Variants in GLCCI1 observed in about 807,000 individuals in gnomAD.
GLCCI1 encodes glucocorticoid-induced transcript 1 protein.
A neutral mutation model predicts 52.2 loss-of-function variants in GLCCI1; 24 were observed. The ratio of observed to expected loss-of-function variants is 0.46; its 90% CI spans 0.33 to 0.65. The LOEUF (loss-of-function observed/expected upper bound fraction) is 0.65, where lower values mean the gene tolerates loss of function less well. GLCCI1 is among the 30% of genes least tolerant of loss of function. The pLI, the probability that GLCCI1 is intolerant of heterozygous loss-of-function variation, is 0.02. For missense variants in GLCCI1, 704 were observed against 701.5 expected (o/e 1.00, Z -0.04); for synonymous variants, 310 against 276.5 (o/e 1.12, Z -1.20).
chr7:8,086,650 G>T lies in GLCCI1; in HGVS notation c.*112G>T, dbSNP rs566893539. The T allele has an allele frequency of 6.9e-5, 57 of 829,186 alleles. 1 individual carries two copies. The highest frequency in any genetic ancestry group is 1.0e-4 in the Non-Finnish European group (55 of 527,656). 51.4% of individuals were successfully genotyped at this position (829,186 alleles called of 1,614,324 possible). A position where few individuals can be genotyped will look rare whatever the true frequency, so the allele number is the denominator to read the frequency against. ...CCACCACCACCAATAATACTTATCA[G>T]CATCATAAAGTATCTCTTAAACACT... On this transcript the variant is annotated 3_prime_UTR_variant, in exon 8 of 8. Transcript: ENST00000223145. The surrounding 1 kb of genome is among the most constrained non-coding windows in gnomAD (Gnocchi z 4.4).
chr7:8,031,080 C>T (rs1261459533), intron 3 of GLCCI1, among the ~76,000 whole-genome samples: 2 of 152,134 alleles, frequency 1.3e-5, no homozygotes, highest in Non-Finnish European at 2.9e-5. Flanking sequence ...GAAGAGATAT[C>T]TGCACTCCTA....
At chr7:7,986,447 C>A (rs891384690) in intron 1 of GLCCI1, among the ~76,000 whole-genome samples, 2 of 152,006 alleles carry the variant, frequency 1.3e-5, no homozygotes, top group African/African-American at 4.8e-5. Flanking sequence ...ATGGCATGAA[C>A]CTGCTAGGCG....
intron 2 of GLCCI1, among the ~76,000 whole-genome samples, chr7:8,019,636 T>C (rs1205855559): frequency 6.6e-6 from 1 of 152,192 alleles, no homozygotes; most frequent in Non-Finnish European, 1.5e-5. Flanking sequence ...AGAGTGTACT[T>C]ACACAAACCT....
At chr7:7,979,836 G>A (rs1309549274) in intron 1 of GLCCI1, among the ~76,000 whole-genome samples, 3 of 152,202 alleles carry the variant, frequency 2.0e-5, no homozygotes, top group African/African-American at 7.2e-5. Context: ...AATGGGAAGT[G>A]ACAAACTTTT....
Position 7,968,920 on chromosome 7 carries a change from AG to A in GLCCI1, c.-427del. 1 of 154,600 alleles carries A rather than the reference AG, an allele frequency of 6.5e-6. No homozygotes were observed. The highest frequency in any genetic ancestry group is 1.5e-5 in the Non-Finnish European group (1 of 68,880). The allele number at this position is 154,600 out of a possible 1,614,324, so 9.6% of individuals were successfully genotyped here. On this transcript the variant is annotated 5_prime_UTR_variant, in exon 1 of 8. Coordinates refer to ENST00000223145, the MANE Select transcript of GLCCI1 (RefSeq NM_138426.4). The stretch of plus-strand genomic sequence containing the variant: ...TCTCTCTACCCTGGTCCCCAGAAGC[AG>A]GGGTCCCGGCCCTCCTTGCAGCTGC...
At chr7:8,030,489 T>A (rs1316575871) in intron 3 of GLCCI1, among the ~76,000 whole-genome samples, 1 of 152,128 alleles carries the variant, frequency 6.6e-6, no homozygotes, top group Non-Finnish European at 1.5e-5. Context: ...CAAACATTTC[T>A]TGACTAATAC....
chr7:7,988,862 A>C (rs999954471), intron 1 of GLCCI1, among the ~76,000 whole-genome samples: 2 of 151,884 alleles, frequency 1.3e-5, no homozygotes, highest in African/African-American at 4.8e-5. Flanking sequence ...CCCCCTTTGC[A>C]GTTCTGTATT....
chr7:8,075,519 C>T (rs896736236), intron 6 of GLCCI1, among the ~76,000 whole-genome samples: 1 of 152,164 alleles, frequency 6.6e-6, no homozygotes, highest in Non-Finnish European at 1.5e-5. Context: ...CAAAAATAGC[C>T]ATTTATATAA....
intron 2 of GLCCI1, among the ~76,000 whole-genome samples, chr7:8,007,539 T>C (rs38018): frequency 0.42 from 63,724 of 152,016 alleles, 13,644 homozygotes; most frequent in Middle Eastern, 0.52. Context: ...ATTAGTTTAA[T>C]TGAAGATACA....
intron 3 of GLCCI1, among the ~76,000 whole-genome samples, chr7:8,044,453 C>T (rs1236075402): frequency 6.6e-6 from 1 of 151,466 alleles, no homozygotes; most frequent in Admixed American, 6.6e-5. Context: ...ACTGCGGCCT[C>T]GACCTCCTGG....
At chr7:8,053,582 C>A (rs1217899940) in intron 3 of GLCCI1, among the ~76,000 whole-genome samples, 1 of 151,528 alleles carries the variant, frequency 6.6e-6, no homozygotes, top group East Asian at 1.9e-4. Context: ...GCCTCAGCCT[C>A]CCAGAGTGCT....
At chr7:8,052,608 G>A (rs1782283453) in intron 3 of GLCCI1, among the ~76,000 whole-genome samples, 1 of 152,192 alleles carries the variant, frequency 6.6e-6, no homozygotes, top group South Asian at 2.1e-4. Context: ...TTGTTCAGCA[G>A]TCTGCCTTGG....
rs1467724886 is a variant in GLCCI1, at chr7:8,086,426, G to A, written c.1532G>A (p.Ser511Asn). The change falls in exon 8 of 8, where the codon AGC (serine) becomes AAC (asparagine). Residue 511 changes from serine (S) to asparagine (N), a missense_variant. Physicochemically the swap from Ser to Asn is conservative, Grantham distance 46. Transcript: ENST00000223145. This position sits in a 1 kb window ranked among gnomAD's most constrained non-coding sequence, Gnocchi z 4.4. Reference protein sequence around the residue: ...VSFTSLSDDTSTAGSMEASVQ... With the variant: ...VSFTSLSDDTNTAGSMEASVQ... ...TTTACGTCTCTTTCTGATGACACCA[G>A]CACAGCGGGCTCCATGGAGGCCTCT... 6.2e-7 allele frequency: 1 copy of A among 1,614,136 alleles called. No individual in the cohort carries two copies. Among genetic ancestry groups the A allele is most frequent in the Admixed American group, 1.7e-5 (1 of 60,022 alleles).
chr7:8,054,213 T>C (rs1782333334), intron 3 of GLCCI1, among the ~76,000 whole-genome samples: 1 of 152,114 alleles, frequency 6.6e-6, no homozygotes, highest in Non-Finnish European at 1.5e-5. Flanking sequence ...ATTATCTGTC[T>C]TGAGTTATAT....
intron 5 of GLCCI1, among the ~76,000 whole-genome samples, chr7:8,064,899 G>A (rs974070338): frequency 2.6e-5 from 4 of 151,976 alleles, no homozygotes; most frequent in Non-Finnish European, 4.4e-5. Context: ...TTGTATTTTA[G>A]TAGAGACGGG....
At chr7:8,005,657 A>T (rs1012974340) in intron 2 of GLCCI1, among the ~76,000 whole-genome samples, 31 of 152,158 alleles carry the variant, frequency 2.0e-4, no homozygotes, top group Non-Finnish European at 8.8e-5. Flanking sequence ...AAACATACAT[A>T]TGTATGTATG....
chr7:8,080,960 C>G (rs371342011), intron 6 of GLCCI1, among the ~76,000 whole-genome samples: 2 of 151,522 alleles, frequency 1.3e-5, no homozygotes, highest in South Asian at 2.1e-4. Context: ...CAGGCGTAAG[C>G]CACCTCGCCC....
At chr7:8,082,610 T>C (rs569440482) in intron 6 of GLCCI1, among the ~76,000 whole-genome samples, 1 of 152,114 alleles carries the variant, frequency 6.6e-6, no homozygotes, top group Non-Finnish European at 1.5e-5. Flanking sequence ...TTAAAAAAAA[T>C]TTTTATTGAA....
chr7:8,007,999 G>T (rs78659561), intron 2 of GLCCI1, among the ~76,000 whole-genome samples: 2,092 of 152,130 alleles, frequency 0.014, 37 homozygotes, highest in African/African-American at 0.044. Context: ...TATATTAATG[G>T]TGTACAGCAT....
Sources: allele counts gnomAD v4.1 joint callset (sites outside exome capture counted in the v4.1 genomes callset), GRCh38; gene constraint gnomAD v4.1.1; non-coding constraint Gnocchi (gnomAD v3.1); transcripts MANE v1.5; gene names NCBI Gene and HGNC (gene_info 2026-07-23, HGNC 2026-07-21).